Variants in SUSD6 observed in about 807,000 individuals in gnomAD.
SUSD6 encodes the protein sushi domain-containing protein 6.
Under a neutral mutation model 28.4 loss-of-function variants are expected in SUSD6, and 16 were observed. The observed-to-expected ratio is 0.56, with a 90% CI of 0.38 to 0.86. The LOEUF (loss-of-function observed/expected upper bound fraction) is 0.86, where lower values mean the gene tolerates loss of function less well. Among genes scored for constraint, SUSD6 ranks in the 40% least tolerant of loss-of-function variants. The pLI is 0.00. For missense variants in SUSD6, 341 were observed against 384.2 expected, an observed-to-expected ratio of 0.89 and a Z score of 0.94; for synonymous variants, 147 against 159.6, an observed-to-expected ratio of 0.92 and a Z score of 0.59.
At chr14:69,614,660 A>G (rs1010915850) in intron 1 of SUSD6, among the ~76,000 whole-genome samples, 5 of 152,108 alleles carry the variant, frequency 3.3e-5, no homozygotes, top group African/African-American at 9.7e-5. Flanking sequence ...CTGACAACCA[A>G]GTTACTACTG....
intron 5 of SUSD6, among the ~76,000 whole-genome samples, chr14:69,709,379 A>C (rs534122621): frequency 6.6e-6 from 1 of 152,244 alleles, no homozygotes. Context: ...ATCAAAAGAC[A>C]GCTTGCTGGA....
At chr14:69,676,097 T>G (rs1424287238) in intron 2 of SUSD6, among the ~76,000 whole-genome samples, 2 of 152,214 alleles carry the variant, frequency 1.3e-5, no homozygotes, top group Non-Finnish European at 2.9e-5. Context: ...ACAATTCATC[T>G]TAGTTGCCCT....
intron 2 of SUSD6, among the ~76,000 whole-genome samples, chr14:69,683,727 C>T (rs1011246034): frequency 1.1e-4 from 16 of 152,194 alleles, no homozygotes; most frequent in African/African-American, 3.9e-4. Flanking sequence ...TAGAAAGTGG[C>T]AGCCTTTGGA....
chr14:69,612,180 G>T (rs948588113), intron 1 of SUSD6, among the ~76,000 whole-genome samples: 10 of 152,058 alleles, frequency 6.6e-5, no homozygotes, highest in Non-Finnish European at 2.9e-5. Flanking sequence ...GCCAGACGCC[G>T]TGCCGATGGG....
At chr14:69,640,305 T>TTA (rs1014619413) in intron 1 of SUSD6, among the ~76,000 whole-genome samples, 9 of 151,564 alleles carry the variant, frequency 5.9e-5, no homozygotes, top group East Asian at 1.9e-4. Context: ...TGAAAAAAAT[T>TTA]TATATATATA....
intron 1 of SUSD6, among the ~76,000 whole-genome samples, chr14:69,621,419 G>T (rs1245021600): frequency 6.6e-6 from 1 of 152,206 alleles, no homozygotes; most frequent in Non-Finnish European, 1.5e-5. Flanking sequence ...AGGAAAAGAA[G>T]TCAGCTCAGG....
chr14:69,658,319 C>T (rs1178290023), intron 1 of SUSD6, among the ~76,000 whole-genome samples, 194 bp from the exon 2 acceptor site: 2 of 152,206 alleles, frequency 1.3e-5, no homozygotes, highest in Admixed American at 6.5e-5. Context: ...GGCTTCTGCA[C>T]GCTGCAGGCC....
At chr14:69,680,669 C>A (rs1566602370) in intron 2 of SUSD6, among the ~76,000 whole-genome samples, 1 of 152,214 alleles carries the variant, frequency 6.6e-6, no homozygotes, top group Non-Finnish European at 1.5e-5. Context: ...CCTGGAATCT[C>A]ACCAGGCATC....
chr14:69,612,017 G>T (rs1884883030), intron 1 of SUSD6, among the ~76,000 whole-genome samples, 189 bp downstream of exon 1: 1 of 148,956 alleles, frequency 6.7e-6, no homozygotes, highest in South Asian at 2.1e-4. Context: ...GAGCCGCGCC[G>T]CTGGGAGCCC....
intron 3 of SUSD6, 190 bp downstream of exon 3, chr14:69,703,782 C>T (rs1453188660): frequency 1.6e-6 from 1 of 614,304 alleles, no homozygotes; most frequent in Non-Finnish European, 2.9e-6. Flanking sequence ...GGTGCATGTC[C>T]TATTGCATTT....
intron 4 of SUSD6, among the ~76,000 whole-genome samples, chr14:69,706,455 GCTTT>G (rs1255110780): frequency 2.0e-5 from 3 of 152,002 alleles, no homozygotes; most frequent in Non-Finnish European, 4.4e-5. Context: ...TTTACACACT[GCTTT>G]CTTTTTTTTC....
intron 5 of SUSD6, 124 bp downstream of exon 5, chr14:69,709,228 T>C: frequency 1.1e-6 from 1 of 891,798 alleles, no homozygotes; most frequent in Non-Finnish European, 1.7e-6. Context: ...GTACCTGGGG[T>C]ATTTGCCTAC....
chr14:69,685,228 C>G lies in SUSD6; in HGVS notation c.122-18167C>G, dbSNP rs559129694. ...TTTTTCAAGTGAAGGGCTGCAAGTACAAATGGACTAGCCCTAAAGGACATT... is the reference window on the plus strand; with the variant it reads ...TTTTTCAAGTGAAGGGCTGCAAGTAGAAATGGACTAGCCCTAAAGGACATT... On this transcript the variant is annotated intron_variant, in intron 2 of 5. Transcript: ENST00000342745. 2.0e-5 allele frequency among the ~76,000 whole-genome samples: 3 copies of G among 152,332 alleles called. No individual in the cohort carries two copies. The South Asian group carries it at 6.2e-4, about 32-fold the overall frequency.
intron 1 of SUSD6, among the ~76,000 whole-genome samples, chr14:69,653,403 G>A (rs897686597): frequency 3.3e-5 from 5 of 152,206 alleles, no homozygotes; most frequent in Admixed American, 6.5e-5. Flanking sequence ...GGGTAGAAGC[G>A]GTGAAGAATT....
chr14:69,665,647 A>G (rs1337259589), intron 2 of SUSD6, among the ~76,000 whole-genome samples: 1 of 152,222 alleles, frequency 6.6e-6, no homozygotes, highest in African/African-American at 2.4e-5. Context: ...GTACACCTCA[A>G]AATAGTAAAT....
intron 2 of SUSD6, among the ~76,000 whole-genome samples, chr14:69,690,443 G>A (rs576627745): frequency 6.6e-6 from 1 of 152,322 alleles, no homozygotes; most frequent in African/African-American, 2.4e-5. Context: ...TCCTTAAAGA[G>A]GCTTAAATGT....
intron 2 of SUSD6, among the ~76,000 whole-genome samples, chr14:69,676,878 C>A (rs976490416): frequency 6.6e-6 from 1 of 152,218 alleles, no homozygotes; most frequent in Non-Finnish European, 1.5e-5. Flanking sequence ...TTCATTTGTT[C>A]CTTTCCAGAG....
intron 2 of SUSD6, among the ~76,000 whole-genome samples, chr14:69,666,970 C>CT (rs1191880933): frequency 6.6e-6 from 1 of 152,210 alleles, no homozygotes; most frequent in Non-Finnish European, 1.5e-5. Flanking sequence ...AAGTGACACT[C>CT]TATGAAATAC....
intron 4 of SUSD6, among the ~76,000 whole-genome samples, chr14:69,705,880 T>G (rs1180539168): frequency 6.6e-6 from 1 of 152,236 alleles, no homozygotes; most frequent in African/African-American, 2.4e-5. Flanking sequence ...TGGACTTTTC[T>G]TCCAGGCCAT....
Sources: gnomAD v4.1 joint callset for allele counts (sites outside exome capture counted in the v4.1 genomes callset) on GRCh38, gnomAD v4.1.1 for gene constraint, MANE v1.5 for transcripts, NCBI Gene and HGNC (gene_info 2026-07-23, HGNC 2026-07-21) for gene names.